The following IQSEC3 variants were observed in gnomAD, a reference collection of about 807,000 sequenced individuals.
The protein encoded by IQSEC3 is IQ motif and SEC7 domain-containing protein 3.
IQSEC3 carries 50 observed loss-of-function variants against 105.4 expected under a neutral mutation model. The observed-to-expected ratio is 0.47, with a 90% CI of 0.38 to 0.60. The LOEUF (loss-of-function observed/expected upper bound fraction) is 0.60, where lower values mean the gene tolerates loss of function less well. IQSEC3 is among the 20% of genes least tolerant of loss of function. The probability of loss-of-function intolerance (pLI) is 0.00; values close to 1 mark genes in which losing one functional copy is unlikely to be tolerated. For synonymous variants in IQSEC3, 708 were observed against 746.0 expected (o/e 0.95, Z 0.83); for missense variants, 1,415 against 1,630.0 (o/e 0.87, Z 2.27).
At chr12:168,153 C>T (rs1476142614) in intron 11 of IQSEC3, among the ~76,000 whole-genome samples, 2 of 152,238 alleles carry the variant, frequency 1.3e-5, no homozygotes, top group Non-Finnish European at 2.9e-5. Flanking sequence ...AAAAGAGAAG[C>T]GGGAGGAGTG....
chr12:80,958 C>G (rs2136883061), intron 1 of IQSEC3, among the ~76,000 whole-genome samples: 1 of 152,264 alleles, frequency 6.6e-6, no homozygotes, highest in African/African-American at 2.4e-5. Context: ...GCCGAGAGCA[C>G]AGGGAGAGGC....
rs776005094 is a variant in IQSEC3 at position 174,600 on chromosome 12, T to C, written c.3116T>C (p.Val1039Ala). 2.9e-5 allele frequency: 44 copies of C among 1,529,032 alleles called. No homozygotes were observed. Among genetic ancestry groups the C allele is most frequent in the Non-Finnish European group, 3.8e-5 (43 of 1,143,644 alleles). 94.7% of individuals were successfully genotyped at this position (1,529,032 alleles called of 1,614,324 possible). ...RERPAESTVE[V>A]SIHNRLQTSQ... The stretch of plus-strand genomic sequence containing the variant: ...CTTCTCTGGCTGTTTCTAAACTAGG[T>C]GTCAATTCACAACAGGCTTCAAACG... Residue 1039 changes from valine (V) to alanine (A), a missense_variant and splice_region_variant, in exon 14 of 14, where the codon GTG becomes GCG. Val to Ala is a moderately conservative substitution (Grantham distance 64, BLOSUM62 0). Around this residue, in one of 6 missense-constraint regions of IQSEC3, gnomAD observed 419 missense variants for 436.2 expected, o/e 0.96. Coordinates refer to ENST00000538872, the MANE Select transcript of IQSEC3 (RefSeq NM_001170738.2).
rs781957490 is a variant in IQSEC3 at position 125,662 on chromosome 12, G to A, written c.653G>A (p.Gly218Asp). The change falls in exon 3 of 14, where the codon GGC becomes GAC. Residue 218 changes from glycine to aspartate, a missense_variant. By Grantham distance (94) the Gly-to-Asp change is moderately conservative. Around this residue, in one of 6 missense-constraint regions of IQSEC3, gnomAD observed 720 missense variants for 633.0 expected, o/e 1.14. Transcript: ENST00000538872. ...GGCTCCTGCACCCAGGCCGGTGGGGGCATGGAGGACTCCGTGGTGGCAGCG... is the reference window on the plus strand; with the variant it reads ...GGCTCCTGCACCCAGGCCGGTGGGGACATGGAGGACTCCGTGGTGGCAGCG... ...SDGSCTQAGG[G>D]MEDSVVAAAA... 2.6e-6 allele frequency: 4 copies of A among 1,534,468 alleles called. No individual in the cohort carries two copies. The highest frequency in any genetic ancestry group is 4.0e-5 in the Admixed American group (2 of 50,610).
chr12:165,996 G>A (rs914980780), intron 11 of IQSEC3, 106 bp downstream of exon 11: 11 of 1,324,070 alleles, frequency 8.3e-6, no homozygotes, highest in Middle Eastern at 2.6e-4. Flanking sequence ...GCCCCACTTC[G>A]GACCCTCCCC....
At position 174,582 on chromosome 12, in the gene IQSEC3, G is replaced by A. The variant is rs763206063; in HGVS notation, c.3115-17G>A. 1.3e-6 allele frequency: 2 copies of A among 1,518,558 alleles called. No individual in the cohort carries two copies. The highest frequency in any genetic ancestry group is 8.8e-7 in the Non-Finnish European group (1 of 1,138,294). 94.1% of individuals were successfully genotyped at this position (1,518,558 alleles called of 1,614,324 possible). A position where few individuals can be genotyped will look rare whatever the true frequency, so the allele number is the denominator to read the frequency against. On this transcript the variant is annotated splice_polypyrimidine_tract_variant and intron_variant, in intron 13 of 13. Transcript: ENST00000538872. ...GTCTTGTAACATTTCATGCTTCTCT[G>A]GCTGTTTCTAAACTAGGTGTCAATT...
chr12:92,724 A>G (rs1864128300), intron 1 of IQSEC3, among the ~76,000 whole-genome samples: 1 of 152,204 alleles, frequency 6.6e-6, no homozygotes, highest in African/African-American at 2.4e-5. Context: ...TTCCACCACA[A>G]TGAAATAGGG....
At chr12:173,962 C>A (rs1939139374) in intron 13 of IQSEC3, among the ~76,000 whole-genome samples, 1 of 152,208 alleles carries the variant, frequency 6.6e-6, no homozygotes, top group South Asian at 2.1e-4. Flanking sequence ...AACCAGGACC[C>A]AGCTTGGGCC....
In IQSEC3 at chr12:174,744, C is replaced by T. The variant is rs373302900; in HGVS notation, c.3260C>T (p.Pro1087Leu). 1.1e-5 allele frequency: 18 copies of T among 1,592,278 alleles called. No individual in the cohort carries two copies. The highest frequency in any genetic ancestry group is 1.4e-5 in the Non-Finnish European group (16 of 1,177,720). ...CTGCCGCCGCCGCCACCCACGCCCC[C>T]GGGCACCCTGGTGCAGTGCCAGCAA... is the stretch of plus-strand genomic sequence containing the variant. Reference protein sequence around the residue: ...PPLPPPPPTPPGTLVQCQQIV... With the variant: ...PPLPPPPPTPLGTLVQCQQIV... Residue 1087 changes from proline (P) to leucine (L), a missense_variant, in exon 14 of 14, where the codon CCG becomes CTG. Around this residue, in one of 6 missense-constraint regions of IQSEC3, gnomAD observed 419 missense variants for 436.2 expected, o/e 0.96. Coordinates refer to ENST00000538872, the MANE Select transcript of IQSEC3 (RefSeq NM_001170738.2).
At position 107,411 on chromosome 12, in the gene IQSEC3, T is replaced by TC. The variant is rs1565400304; in HGVS notation, c.623+8197_623+8198insC. Among the ~76,000 whole-genome samples the TC allele has an allele frequency of 3.8e-5, 5 of 132,442 alleles. No homozygotes were observed. In the South Asian group the frequency reaches 7.9e-4, roughly 21 times the overall value. The allele number at this position is 132,442 out of a possible 152,430, so 86.9% of individuals were successfully genotyped here. A position where few individuals can be genotyped will look rare whatever the true frequency, so the allele number is the denominator to read the frequency against. On this transcript the variant is annotated intron_variant, in intron 2 of 13. Transcript: ENST00000538872. Reference sequence around the variant, plus strand: ...TCCGGTAGTCTGTTTTCTTTTTTTTTTTTTTTTTTTTTTTTTGAGACGGAG... The same window carrying TC: ...TCCGGTAGTCTGTTTTCTTTTTTTTTCTTTTTTTTTTTTTTTTGAGACGGAG...
At chr12:163,147 C>T (rs1278205356) in intron 8 of IQSEC3, among the ~76,000 whole-genome samples, 1 of 147,898 alleles carries the variant, frequency 6.8e-6, no homozygotes, top group African/African-American at 2.5e-5. Flanking sequence ...AGCCCCTCCC[C>T]TCCCTCTCCA....
At chr12:95,136 T>A (rs536631207) in intron 1 of IQSEC3, among the ~76,000 whole-genome samples, 1 of 152,296 alleles carries the variant, frequency 6.6e-6, no homozygotes, top group South Asian at 2.1e-4. Context: ...TCTAAAGTCT[T>A]TGATTTGCCC....
chr12:75,156 TCTTTTATA>T (rs1863469025), intron 1 of IQSEC3, among the ~76,000 whole-genome samples: 1 of 152,274 alleles, frequency 6.6e-6, no homozygotes, highest in Non-Finnish European at 1.5e-5. Flanking sequence ...TTCTTATTAG[TCTTTTATA>T]CTTTAGTGTG....
intron 1 of IQSEC3, among the ~76,000 whole-genome samples, chr12:81,120 T>G (rs969957688): frequency 3.9e-5 from 6 of 152,174 alleles, no homozygotes; most frequent in Non-Finnish European, 7.3e-5. Context: ...TCACAAATGC[T>G]GATGGGGCTT....
At chr12:165,661 T>G (rs918600737) in intron 10 of IQSEC3, 68 bp from the exon 11 acceptor site, 20 of 1,597,442 alleles carry the variant, frequency 1.3e-5, no homozygotes, top group Non-Finnish European at 1.7e-5. Context: ...CCTCCTCATG[T>G]CTGGCTGGCT....
At chr12:126,572 T>TGTGTGCGC (rs1260117695) in intron 3 of IQSEC3, among the ~76,000 whole-genome samples, 3 of 151,384 alleles carry the variant, frequency 2.0e-5, no homozygotes, top group Admixed American at 6.6e-5. Flanking sequence ...TGTGTGTGTG[T>TGTGTGCGC]GCGCTTAGAG....
At chr12:88,087 C>T (rs1412728291) in intron 1 of IQSEC3, among the ~76,000 whole-genome samples, 1 of 152,132 alleles carries the variant, frequency 6.6e-6, no homozygotes, top group Non-Finnish European at 1.5e-5. Context: ...AGGAGGGCTT[C>T]GGGTTAGAAG....
chr12:126,026 T>C, intron 3 of IQSEC3, 114 bp downstream of exon 3: 1 of 1,105,242 alleles, frequency 9.0e-7, no homozygotes, highest in Non-Finnish European at 1.3e-6. Context: ...GGCACACCTC[T>C]TTTGCCACAG....
intron 5 of IQSEC3, among the ~76,000 whole-genome samples, chr12:150,598 A>G (rs1866468635): frequency 6.6e-6 from 1 of 152,216 alleles, no homozygotes; most frequent in Admixed American, 6.5e-5. Flanking sequence ...GAAGGGAGCA[A>G]TTAACCATGT....
intron 1 of IQSEC3, among the ~76,000 whole-genome samples, chr12:78,147 A>G (rs1402798669): frequency 2.0e-5 from 3 of 149,780 alleles, no homozygotes; most frequent in East Asian, 2.0e-4. Flanking sequence ...CCCCGCGCAC[A>G]GCCGCCCGCC....
Sources: allele counts gnomAD v4.1 joint callset (sites outside exome capture counted in the v4.1 genomes callset), GRCh38; gene constraint gnomAD v4.1.1; regional missense constraint gnomAD v4.1.1; transcripts MANE v1.5; gene names NCBI Gene and HGNC (gene_info 2026-07-23, HGNC 2026-07-21).